Variants in KCNN2 observed in about 807,000 individuals in gnomAD.
The protein encoded by KCNN2 is potassium calcium-activated channel subfamily N member 2, also known as small conductance calcium-activated potassium channel protein 2.
KCNN2 carries 24 observed loss-of-function variants against 55.5 expected under a neutral mutation model. The observed-to-expected ratio is 0.43, with a 90% CI of 0.31 to 0.61. The LOEUF (loss-of-function observed/expected upper bound fraction) is 0.61. Among genes scored for constraint, KCNN2 ranks in the 20% least tolerant of loss-of-function variants. The pLI is 0.08. For missense variants in KCNN2, 754 were observed against 853.6 expected, an observed-to-expected ratio of 0.88 and a Z score of 1.45; for synonymous variants, 431 against 336.1, an observed-to-expected ratio of 1.28 and a Z score of -3.09.
chr5:114,277,662 C>G (rs1755519182), intron 2 of KCNN2, among the ~76,000 whole-genome samples: 2 of 152,158 alleles, frequency 1.3e-5, no homozygotes. Flanking sequence ...TCACAAAGTT[C>G]TCGTACTGTG....
Position 114,320,556 on chromosome 5 carries a change from G to A in KCNN2, c.-184-40389G>A, listed in dbSNP as rs531380847. ...GTGAACCCGGGAGGTGGAGCTGGCA[G>A]TGAGCCGAGATCGCGCCACTGCACT... On this transcript the variant is annotated intron_variant, in intron 2 of 10. Transcript: ENST00000512097. 6.6e-5 allele frequency among the ~76,000 whole-genome samples: 10 copies of A among 151,936 alleles called. No individual in the cohort carries two copies. The East Asian group carries it at 1.8e-3, about 27-fold the overall frequency.
intron 1 of KCNN2, among the ~76,000 whole-genome samples, chr5:114,064,385 C>T (rs781465600): frequency 1.3e-5 from 2 of 152,166 alleles, no homozygotes; most frequent in Non-Finnish European, 2.9e-5. Context: ...GTTTTTGTGT[C>T]CTCCTGGGAA....
intron 2 of KCNN2, among the ~76,000 whole-genome samples, chr5:114,352,193 A>G (rs908798679): frequency 3.3e-5 from 5 of 151,696 alleles, no homozygotes; most frequent in East Asian, 1.9e-4. Flanking sequence ...TAAGTCATCA[A>G]TTTGTTGGCA....
chr5:114,241,046 C>A (rs538450602), intron 2 of KCNN2, among the ~76,000 whole-genome samples: 1 of 151,948 alleles, frequency 6.6e-6, no homozygotes, highest in African/African-American at 2.4e-5. Flanking sequence ...GAGTAAAAAA[C>A]ATTTGTATAT....
At chr5:114,452,236 G>T (rs1760726012) in intron 3 of KCNN2, among the ~76,000 whole-genome samples, 1 of 152,128 alleles carries the variant, frequency 6.6e-6, no homozygotes, top group Non-Finnish European at 1.5e-5. Flanking sequence ...ACTTAGGGAG[G>T]TTTTTATTAA....
rs768868292 is a variant in KCNN2 at position 114,496,117 on chromosome 5, C to G, written c.2311C>G (p.Arg771Gly). ...CGTCACTTACAATGCTGAGCGGTCC[C>G]GGTCCTCGTCCAGGAGGCGGCGGTC... ...KHVTYNAERSRSSSRRRRSSS... is the reference protein window; with the variant it reads ...KHVTYNAERSGSSSRRRRSSS... Residue 771 changes from arginine to glycine, a missense_variant, in exon 8 of 8, where the codon CGG becomes GGG. Physicochemically the swap from Arg to Gly is moderately radical, Grantham distance 125. Coordinates refer to ENST00000673685, the MANE Select transcript of KCNN2 (RefSeq NM_021614.4). 6 of 1,613,998 alleles carry G rather than the reference C, an allele frequency of 3.7e-6. No individual in the cohort carries two copies. In the Admixed American group the frequency reaches 8.3e-5, roughly 22 times the overall value.
chr5:114,353,496 G>T (rs550787148), intron 2 of KCNN2, among the ~76,000 whole-genome samples: 1 of 151,910 alleles, frequency 6.6e-6, no homozygotes, highest in Non-Finnish European at 1.5e-5. Flanking sequence ...TTAAAAATAT[G>T]AAATTATATT....
intron 2 of KCNN2, among the ~76,000 whole-genome samples, chr5:114,394,834 C>G (rs1196343057): frequency 6.6e-6 from 1 of 152,116 alleles, no homozygotes; most frequent in Non-Finnish European, 1.5e-5. Context: ...TTCCATCAGG[C>G]TTTCAGTTAT....
At chr5:114,473,007 A>C (rs976036850) in intron 4 of KCNN2, 47 bp from the exon 5 acceptor site, 10 of 1,125,464 alleles carry the variant, frequency 8.9e-6, no homozygotes, top group Non-Finnish European at 1.3e-5. Flanking sequence ...TCTGAGACAG[A>C]AAGTAGTTAG....
chr5:114,240,040 A>C (rs1424782100), intron 2 of KCNN2, among the ~76,000 whole-genome samples: 3 of 152,184 alleles, frequency 2.0e-5, no homozygotes, highest in Admixed American at 2.0e-4. Context: ...AACCGCCATA[A>C]GTTTAACATG....
At chr5:114,156,567 G>C (rs931185862) in intron 1 of KCNN2, among the ~76,000 whole-genome samples, 1 of 152,010 alleles carries the variant, frequency 6.6e-6, no homozygotes, top group Non-Finnish European at 1.5e-5. Context: ...TGGAGCAGTG[G>C]TTTGTAGTTC....
At chr5:114,109,327 C>A (rs1452564496) in intron 1 of KCNN2, among the ~76,000 whole-genome samples, 1 of 152,082 alleles carries the variant, frequency 6.6e-6, no homozygotes, top group Non-Finnish European at 1.5e-5. Flanking sequence ...CAGCAGGGTA[C>A]AAGTTACCAT....
chr5:114,302,237 ATAATT>A (rs1198055203), intron 2 of KCNN2, among the ~76,000 whole-genome samples: 1 of 152,204 alleles, frequency 6.6e-6, no homozygotes, highest in Non-Finnish European at 1.5e-5. Context: ...ACATTTGTAA[ATAATT>A]TATGTTTCCA....
At chr5:114,148,079 C>A (rs552141115) in intron 1 of KCNN2, among the ~76,000 whole-genome samples, 1 of 152,302 alleles carries the variant, frequency 6.6e-6, no homozygotes, top group South Asian at 2.1e-4. Flanking sequence ...GACTGTTAAT[C>A]ATTCCTTGAG....
At chr5:114,254,406 C>T (rs983522684) in intron 2 of KCNN2, among the ~76,000 whole-genome samples, 1 of 151,980 alleles carries the variant, frequency 6.6e-6, no homozygotes, top group African/African-American at 2.4e-5. Context: ...GAGCAGATAC[C>T]AGCTTTTCTG....
chr5:114,127,503 G>A (rs929554463), intron 1 of KCNN2, among the ~76,000 whole-genome samples: 9 of 152,136 alleles, frequency 5.9e-5, no homozygotes, highest in Admixed American at 2.0e-4. Context: ...GCACCAAGTC[G>A]CTAGGCTGCA....
chr5:114,268,071 G>A (rs4274972), intron 2 of KCNN2, among the ~76,000 whole-genome samples: 129,815 of 152,176 alleles, frequency 0.85, 55,471 homozygotes, highest in East Asian at 0.94. Flanking sequence ...TTCCTAAATC[G>A]CGTCATTTGC....
chr5:114,187,050 G>A (rs1260988474), intron 1 of KCNN2, among the ~76,000 whole-genome samples: 1 of 152,050 alleles, frequency 6.6e-6, no homozygotes, highest in Non-Finnish European at 1.5e-5. Flanking sequence ...ATTAATTAAG[G>A]TTTACTTTAG....
In KCNN2 at chr5:114,463,091, G is replaced by C. The variant is rs772628729; in HGVS notation, c.1680G>C (p.Ala560=). Residue 560 remains alanine, a synonymous_variant, in exon 4 of 8, where the codon GCG becomes GCC. Coordinates refer to ENST00000673685, the MANE Select transcript of KCNN2 (RefSeq NM_021614.4). ...QQDVTSNFLG[A]MWLISITFLS... ...ATGTTACTAGCAACTTCCTTGGAGC[G>C]ATGTGGTTGATATCAATAACTTTTC... 2 of 1,613,744 alleles carry C rather than the reference G, an allele frequency of 1.2e-6. No homozygotes were observed. Among genetic ancestry groups the C allele is most frequent in the Non-Finnish European group, 8.5e-7 (1 of 1,179,716 alleles).
Sources: gnomAD v4.1 joint callset for allele counts (sites outside exome capture counted in the v4.1 genomes callset) on GRCh38, gnomAD v4.1.1 for gene constraint, MANE v1.5 for transcripts, NCBI Gene and HGNC (gene_info 2026-07-23, HGNC 2026-07-21) for gene names.